SSH2: variants seen among roughly 807,000 people sequenced by gnomAD.
SSH2 encodes the protein slingshot protein phosphatase 2.
Under a neutral mutation model 135.2 loss-of-function variants are expected in SSH2, and 37 were observed. The observed-to-expected ratio is 0.27, with a 90% confidence interval of 0.21 to 0.36. The LOEUF is 0.36. Among genes scored for constraint, SSH2 ranks in the 10% least tolerant of loss-of-function variants. The probability of loss-of-function intolerance (pLI) is 1.00; values close to 1 mark genes in which losing one functional copy is unlikely to be tolerated. For synonymous variants in SSH2, 628 were observed against 646.2 expected, an observed-to-expected ratio of 0.97 and a Z score of 0.43; for missense variants, 1,408 against 1,765.3, an observed-to-expected ratio of 0.80 and a Z score of 3.63.
At chr17:29,735,959 T>G (rs1483760200) in intron 3 of SSH2, among the ~76,000 whole-genome samples, 1 of 151,910 alleles carries the variant, frequency 6.6e-6, no homozygotes, top group Non-Finnish European at 1.5e-5. Context: ...TAGCTGGGTG[T>G]GGTGGTGCGT....
At chr17:29,667,923 T>A (rs1054769712) in intron 9 of SSH2, among the ~76,000 whole-genome samples, 1 of 152,208 alleles carries the variant, frequency 6.6e-6, no homozygotes, top group Non-Finnish European at 1.5e-5. Flanking sequence ...CCTTGGAACT[T>A]TAATATGAAA....
intron 3 of SSH2, among the ~76,000 whole-genome samples, chr17:29,715,406 C>T (rs1423138589): frequency 9.2e-5 from 14 of 151,766 alleles, no homozygotes; most frequent in African/African-American, 2.4e-4. Context: ...CCACCACGCC[C>T]GGCTAATTTT....
intron 11 of SSH2, 106 bp downstream of exon 11, chr17:29,666,761 G>A: frequency 9.1e-7 from 1 of 1,100,518 alleles, no homozygotes; most frequent in Non-Finnish European, 1.3e-6. Context: ...TGTCTTTAAA[G>A]TAAGTTACAT....
intron 1 of SSH2, among the ~76,000 whole-genome samples, chr17:29,923,204 C>T (rs946009155): frequency 1.3e-5 from 2 of 152,176 alleles, no homozygotes; most frequent in Non-Finnish European, 2.9e-5. Context: ...GCCACCGTGG[C>T]TGGCCTTAAA....
chr17:29,728,032 T>C (rs1026211640), intron 3 of SSH2, among the ~76,000 whole-genome samples: 8 of 151,956 alleles, frequency 5.3e-5, no homozygotes, highest in African/African-American at 1.9e-4. Context: ...AATACAAAAA[T>C]TAGCTGGGCG....
At chr17:29,831,739 G>GT (rs35415547) in intron 2 of SSH2, among the ~76,000 whole-genome samples, 59,144 of 147,496 alleles carry the variant, frequency 0.4, 13,996 homozygotes, top group East Asian at 0.69. Flanking sequence ...GCCCAGCTAA[G>GT]TTTTTTTTTT....
At chr17:29,874,334 T>A (rs889340383) in intron 1 of SSH2, among the ~76,000 whole-genome samples, 3 of 152,172 alleles carry the variant, frequency 2.0e-5, no homozygotes, top group African/African-American at 7.2e-5. Context: ...TTAACACATT[T>A]AACTTACAAA....
At position 29,660,211 on chromosome 17, in the gene SSH2, G is replaced by A. The variant is rs182742032; in HGVS notation, c.1033-4604C>T. ...TTAGCATTAGAAGACTTAGGTTCAA[G>A]TTCTGACTGCCCTTCCTACTGTGGG... On this transcript the variant is annotated intron_variant, in intron 11 of 15. Transcript: ENST00000540801. 1.7e-4 allele frequency among the ~76,000 whole-genome samples: 26 copies of A among 151,506 alleles called. No homozygotes were observed. In the East Asian group the frequency reaches 3.9e-3, roughly 23 times the overall value.
intron 1 of SSH2, among the ~76,000 whole-genome samples, chr17:29,854,212 C>T (rs1264938349): frequency 2.6e-5 from 4 of 151,896 alleles, no homozygotes; most frequent in Non-Finnish European, 5.9e-5. Context: ...CAACTGAGCT[C>T]ACAATGAGTC....
chr17:29,648,203 G>A lies in SSH2; in HGVS notation c.1368C>T (p.Thr456=). The A allele has an allele frequency of 6.2e-7, 1 of 1,614,112 alleles. No individual in the cohort carries two copies. The highest frequency in any genetic ancestry group is 8.5e-7 in the Non-Finnish European group (1 of 1,180,020). The stretch of plus-strand genomic sequence containing the variant: ...GTCTCATGAAGCTTGGGTTGGGCTT[G>A]GTTACCGTTCGTCTTTCTTTCACAT... ...YDYVKERRTV[T]KPNPSFMRQL... is the part of the protein sequence containing the mutation. Residue 456 remains threonine (T), a synonymous_variant, in exon 14 of 16, where the codon ACC becomes ACT. Coordinates refer to ENST00000540801, the MANE Select transcript of SSH2 (RefSeq NM_001282129.2).
intron 3 of SSH2, among the ~76,000 whole-genome samples, chr17:29,760,698 T>C (rs1425183572): frequency 1.3e-5 from 2 of 151,986 alleles, no homozygotes; most frequent in Non-Finnish European, 2.9e-5. Flanking sequence ...TGGTCCTTCT[T>C]TTTGTAAATG....
At chr17:29,798,188 C>A (rs903411064) in intron 2 of SSH2, among the ~76,000 whole-genome samples, 7 of 151,812 alleles carry the variant, frequency 4.6e-5, no homozygotes, top group African/African-American at 1.5e-4. Flanking sequence ...TTCTTTCTTT[C>A]TTTTTTGAGA....
At chr17:29,864,056 C>T (rs1235438637) in intron 1 of SSH2, 2 of 152,190 alleles carry the variant, frequency 1.3e-5, no homozygotes, top group Non-Finnish European at 2.9e-5. Context: ...TGTACCCCTG[C>T]ACTTTGGGAG....
rs539975016 is a variant in SSH2 at position 29,817,485 on chromosome 17, A to G, written c.145-23548T>C. 2.6e-5 allele frequency among the ~76,000 whole-genome samples: 4 copies of G among 152,328 alleles called. No individual in the cohort carries two copies. The East Asian group carries it at 7.7e-4, about 29-fold the overall frequency. The stretch of plus-strand genomic sequence containing the variant: ...ACAATCCTTTCCTTCTGCCATCCTC[A>G]GGGAGTCATAATATGCTTCATCCAT... On this transcript the variant is annotated intron_variant, in intron 2 of 15. Coordinates refer to ENST00000540801, the MANE Select transcript of SSH2 (RefSeq NM_001282129.2).
At chr17:29,928,089 C>A (rs1193925682) in intron 1 of SSH2, among the ~76,000 whole-genome samples, 4 of 152,056 alleles carry the variant, frequency 2.6e-5, no homozygotes, top group Non-Finnish European at 5.9e-5. Flanking sequence ...TTCAACAGTG[C>A]CCAAGGAAAA....
intron 4 of SSH2, among the ~76,000 whole-genome samples, chr17:29,699,569 CA>C (rs1485390153): frequency 6.6e-6 from 1 of 152,132 alleles, no homozygotes; most frequent in Non-Finnish European, 1.5e-5. Flanking sequence ...GCTAAGTGAA[CA>C]ATGTCAAGTA....
At chr17:29,905,430 G>A (rs757496797) in intron 1 of SSH2, among the ~76,000 whole-genome samples, 6 of 152,184 alleles carry the variant, frequency 3.9e-5, no homozygotes, top group African/African-American at 2.4e-5. Flanking sequence ...GCTCCAAGAC[G>A]CAAGCAGGAG....
intron 1 of SSH2, among the ~76,000 whole-genome samples, chr17:29,921,586 T>C (rs1463605185): frequency 6.6e-6 from 1 of 152,182 alleles, no homozygotes; most frequent in African/African-American, 2.4e-5. Context: ...CAAATACTTT[T>C]TTTTTTTAAG....
chr17:29,719,701 C>T (rs2039755994), intron 3 of SSH2, among the ~76,000 whole-genome samples: 1 of 152,162 alleles, frequency 6.6e-6, no homozygotes, highest in Non-Finnish European at 1.5e-5. Flanking sequence ...CTTGCTTAAA[C>T]TTACCAATTA....
Sources: allele counts gnomAD v4.1 joint callset (sites outside exome capture counted in the v4.1 genomes callset), GRCh38; gene constraint gnomAD v4.1.1; transcripts MANE v1.5; gene names NCBI Gene and HGNC (gene_info 2026-07-23, HGNC 2026-07-21).